LRMDA: variants seen among roughly 807,000 people sequenced by gnomAD.
LRMDA encodes the protein leucine-rich melanocyte differentiation-associated protein.
A neutral mutation model predicts 29.8 loss-of-function variants in LRMDA; 18 were observed. The observed-to-expected ratio is 0.60, with a 90% confidence interval of 0.42 to 0.90. LRMDA has a LOEUF of 0.90. Ranked by LOEUF, LRMDA falls within the 40% of genes least tolerant of loss-of-function variation. The probability of loss-of-function intolerance (pLI) is 0.00; values close to 1 mark genes in which losing one functional copy is unlikely to be tolerated. For synonymous variants in LRMDA, 125 were observed against 109.4 expected, an observed-to-expected ratio of 1.14 and a Z score of -0.89; for missense variants, 273 against 273.9, an observed-to-expected ratio of 1.00 and a Z score of 0.02.
chr10:75,602,917 A>G (rs1014751756), intron 2 of LRMDA, among the ~76,000 whole-genome samples: 1 of 152,210 alleles, frequency 6.6e-6, no homozygotes, highest in Non-Finnish European at 1.5e-5. Flanking sequence ...AAAGTTATTC[A>G]TTCTATAAAG....
intron 2 of LRMDA, among the ~76,000 whole-genome samples, chr10:76,032,886 G>A (rs1460711481): frequency 1.3e-5 from 2 of 152,120 alleles, no homozygotes; most frequent in Non-Finnish European, 2.9e-5. Context: ...CGTCTCCACC[G>A]GGGATCTGGT....
chr10:75,882,335 C>T (rs932217321), intron 2 of LRMDA, among the ~76,000 whole-genome samples: 2 of 152,120 alleles, frequency 1.3e-5, no homozygotes, highest in South Asian at 4.2e-4. Context: ...ATCATAGTTC[C>T]TTTCCTCTTC....
chr10:76,412,126 G>T (rs1385655063), intron 6 of LRMDA, among the ~76,000 whole-genome samples: 1 of 152,156 alleles, frequency 6.6e-6, no homozygotes, highest in African/African-American at 2.4e-5. Context: ...CTGGAGGCTT[G>T]GAATTAAAAA....
At chr10:75,960,857 C>T (rs1056781420) in intron 2 of LRMDA, among the ~76,000 whole-genome samples, 6 of 151,590 alleles carry the variant, frequency 4.0e-5, no homozygotes, top group Admixed American at 6.6e-5. Flanking sequence ...CCTCGTGATC[C>T]ACCTGCCTCA....
chr10:76,553,165 T>G (rs1315806021), intron 6 of LRMDA, among the ~76,000 whole-genome samples: 1 of 152,222 alleles, frequency 6.6e-6, no homozygotes, highest in East Asian at 1.9e-4. Flanking sequence ...CTGTCATTTT[T>G]CAGGGTCTTT....
rs149219130 is a variant in LRMDA, at chr10:76,208,233, T to G, written c.517-116168T>G. On this transcript the variant is annotated intron_variant, in intron 5 of 6. Transcript: ENST00000611255. Reference sequence around the variant, plus strand: ...ATTTCATAAAGCAAATGTTACCGAGTTTTTTTAAAAAAAGGAAGCCAACAA... The same window carrying G: ...ATTTCATAAAGCAAATGTTACCGAGGTTTTTTAAAAAAAGGAAGCCAACAA... Among the ~76,000 whole-genome samples the G allele has an allele frequency of 7.6e-3, 1,149 of 152,166 alleles. 25 individuals carry two copies. Among genetic ancestry groups the G allele is most frequent in the African/African-American group, 0.026 (1,093 of 41,512 alleles).
chr10:75,772,702 C>T (rs1843256721), intron 2 of LRMDA, among the ~76,000 whole-genome samples: 2 of 152,138 alleles, frequency 1.3e-5, no homozygotes, highest in African/African-American at 4.8e-5. Flanking sequence ...TAAAGTGCGT[C>T]TTGCTGTGGA....
At chr10:75,567,976 A>G (rs1840393639) in intron 2 of LRMDA, among the ~76,000 whole-genome samples, 1 of 152,248 alleles carries the variant, frequency 6.6e-6, no homozygotes. Context: ...TGTAGGTTCA[A>G]TGACACAAGC....
At chr10:76,237,785 CTTTTTTTTTTT>C (rs33976322) in intron 5 of LRMDA, among the ~76,000 whole-genome samples, 1 of 84,112 alleles carries the variant, frequency 1.2e-5, no homozygotes, top group Non-Finnish European at 2.1e-5. Context: ...GACAAGAGTG[CTTTTTTTTTTT>C]TTTTTTTTTT....
rs151237765 is a variant in LRMDA at position 75,803,390 on chromosome 10, C to T, written c.132-232618C>T. Among the ~76,000 whole-genome samples the T allele has an allele frequency of 5.2e-3, 797 of 152,256 alleles. 10 individuals are homozygous for T. Among genetic ancestry groups the T allele is most frequent in the African/African-American group, 0.018 (766 of 41,544 alleles). On this transcript the variant is annotated intron_variant, in intron 2 of 6. Coordinates refer to ENST00000611255, the MANE Select transcript of LRMDA (RefSeq NM_001305581.2). ...GTATCATTCGGCCTTTTATACAGGT[C>T]CACTGGTTACCTGTTCTTGGTAACA...
chr10:75,545,599 G>A (rs138354753), intron 2 of LRMDA, among the ~76,000 whole-genome samples: 177 of 152,234 alleles, frequency 1.2e-3, no homozygotes, highest in African/African-American at 4.0e-3. Flanking sequence ...CGTCCTAAAG[G>A]TGGTGACATG....
intron 2 of LRMDA, among the ~76,000 whole-genome samples, chr10:75,761,901 A>G (rs1008952543): frequency 1.3e-5 from 2 of 151,696 alleles, no homozygotes; most frequent in South Asian, 2.1e-4. Flanking sequence ...CCCAGGCTCA[A>G]GTGATCCCCC....
At chr10:76,317,568 C>G (rs2132388118) in intron 5 of LRMDA, among the ~76,000 whole-genome samples, 1 of 152,208 alleles carries the variant, frequency 6.6e-6, no homozygotes, top group African/African-American at 2.4e-5. Context: ...ACATTGCTAG[C>G]AAAAATTTAT....
intron 6 of LRMDA, among the ~76,000 whole-genome samples, chr10:76,399,001 G>A (rs1434637388): frequency 6.6e-6 from 1 of 152,090 alleles, no homozygotes; most frequent in Admixed American, 6.5e-5. Context: ...GAAAATCTAG[G>A]AGAATGCATC....
intron 5 of LRMDA, among the ~76,000 whole-genome samples, chr10:76,176,780 G>T (rs1222993656): frequency 6.6e-6 from 1 of 152,214 alleles, no homozygotes; most frequent in African/African-American, 2.4e-5. Context: ...GCAACAGAGC[G>T]AGACTCCGTC....
chr10:76,157,669 A>G (rs1850563222), intron 5 of LRMDA, among the ~76,000 whole-genome samples: 3 of 152,030 alleles, frequency 2.0e-5, no homozygotes, highest in African/African-American at 7.2e-5. Context: ...TCCGAGATGG[A>G]CAGCCTGAGC....
chr10:76,047,140 A>G, intron 3 of LRMDA, 24 bp from the exon 4 acceptor site: 1 of 1,613,496 alleles, frequency 6.2e-7, no homozygotes, highest in African/African-American at 1.3e-5. Flanking sequence ...GTCTTACTGG[A>G]CCAAGATTCT....
chr10:76,534,852 A>G (rs1206526163), intron 6 of LRMDA, among the ~76,000 whole-genome samples: 1 of 152,204 alleles, frequency 6.6e-6, no homozygotes, highest in African/African-American at 2.4e-5. Context: ...AACCTGAACT[A>G]CAGAGGAGCT....
At chr10:75,532,399 C>T (rs1016625939) in intron 2 of LRMDA, among the ~76,000 whole-genome samples, 3 of 152,038 alleles carry the variant, frequency 2.0e-5, no homozygotes, top group African/African-American at 7.2e-5. Context: ...GTTCTGAGTC[C>T]CCAGATGTAA....
Sources: allele counts gnomAD v4.1 joint callset (sites outside exome capture counted in the v4.1 genomes callset), GRCh38; gene constraint gnomAD v4.1.1; transcripts MANE v1.5; gene names NCBI Gene and HGNC (gene_info 2026-07-23, HGNC 2026-07-21).